BNIP2: variants seen among roughly 807,000 people sequenced by gnomAD.
BNIP2 encodes BCL2/adenovirus E1B 19 kDa protein-interacting protein 2.
A neutral mutation model predicts 43.4 loss-of-function variants in BNIP2; 36 were observed. That is an observed-to-expected ratio of 0.83 (90% CI 0.64 to 1.10). The LOEUF is 1.10. BNIP2 is among the 50% of genes least tolerant of loss of function. BNIP2 has a pLI of 0.00. For missense variants in BNIP2, 417 were observed against 374.1 expected, an observed-to-expected ratio of 1.11 and a Z score of -0.95; for synonymous variants, 146 against 121.0, an observed-to-expected ratio of 1.21 and a Z score of -1.35.
chr15:59,682,893 G>A lies in BNIP2; in HGVS notation c.-57-379C>T, dbSNP rs369100236. On this transcript the variant is annotated intron_variant, in intron 1 of 9. Transcript: ENST00000607373. ...CTCATAATTAAATTTTCTGTCCCTTGGATAGAGGTTGATTCTAGACCGTAA... is the reference window on the plus strand; with the variant it reads ...CTCATAATTAAATTTTCTGTCCCTTAGATAGAGGTTGATTCTAGACCGTAA... 2.6e-5 allele frequency among the ~76,000 whole-genome samples: 4 copies of A among 152,052 alleles called. No individual in the cohort carries two copies. The East Asian group carries it at 5.8e-4, about 22-fold the overall frequency.
intron 1 of BNIP2, among the ~76,000 whole-genome samples, chr15:59,684,054 AG>A (rs1332118443): frequency 6.6e-6 from 1 of 152,356 alleles, no homozygotes; most frequent in African/African-American, 2.4e-5. Context: ...CAAAGAAAAA[AG>A]CCTTATGTTC....
At position 59,679,625 on chromosome 15, in the gene BNIP2, G is replaced by C. The variant is rs1893523619; in HGVS notation, c.262C>G (p.Pro88Ala). 6.2e-7 allele frequency: 1 copy of C among 1,612,878 alleles called. No homozygotes were observed. The highest frequency in any genetic ancestry group is 1.7e-5 in the Admixed American group (1 of 59,884). The change falls in exon 4 of 10, where the codon CCG (proline) becomes GCG (alanine). Residue 88 changes from proline (P) to alanine (A), a missense_variant. Coordinates refer to ENST00000607373, the MANE Select transcript of BNIP2 (RefSeq NM_004330.4). ...GEIDLDGLDT[P>A]SENSNEFEWE... Reference sequence around the variant, plus strand: ...TCAAACTCATTACTATTCTCTGACGGTGTGTCTAAGCCATCTAAGTCAATC... The same window carrying C: ...TCAAACTCATTACTATTCTCTGACGCTGTGTCTAAGCCATCTAAGTCAATC...
chr15:59,677,789 C>G (rs2142007622), intron 5 of BNIP2, 122 bp downstream of exon 5: 1 of 1,277,040 alleles, frequency 7.8e-7, no homozygotes, highest in Non-Finnish European at 1.0e-6. Flanking sequence ...AGACGAGTCT[C>G]TCAACCTAGC....
At position 59,662,592 on chromosome 15, in the gene BNIP2, T is replaced by C. The variant is rs1222605561; in HGVS notation, c.*1477A>G. ...AAAGTTCCCTTTTGTAACAGAAGGTTTGTAAGTACATGAGAATGGTCACAG... is the reference window on the plus strand; with the variant it reads ...AAAGTTCCCTTTTGTAACAGAAGGTCTGTAAGTACATGAGAATGGTCACAG... On this transcript the variant is annotated 3_prime_UTR_variant, in exon 10 of 10. Transcript: ENST00000607373. 6.6e-6 allele frequency: 1 copy of C among 152,210 alleles called. No homozygotes were observed. Among genetic ancestry groups the C allele is most frequent in the Non-Finnish European group, 1.5e-5 (1 of 68,034 alleles). 9.4% of individuals were successfully genotyped at this position (152,210 alleles called of 1,614,324 possible).
chr15:59,662,900 A>G lies in BNIP2; in HGVS notation c.*1169T>C. 6.6e-6 allele frequency: 1 copy of G among 152,260 alleles called. No individual in the cohort carries two copies. The highest frequency in any genetic ancestry group is 2.1e-4 in the South Asian group (1 of 4,834). The allele number at this position is 152,260 out of a possible 1,614,324, so 9.4% of individuals were successfully genotyped here. On this transcript the variant is annotated 3_prime_UTR_variant, in exon 10 of 10. Transcript: ENST00000607373. ...ACACAATTTATTTCAATGTAAAGGT[A>G]CTACCAAATGAAACAGTTTAAATGC...
rs6151527 is a variant in BNIP2, at chr15:59,676,385, G to T, written c.472+1526C>A. On this transcript the variant is annotated intron_variant, in intron 5 of 9. Transcript: ENST00000607373. ...TTTTTTATTTTTTTGTGGAGACGAG[G>T]TCTATGTTGCCCAAGCTGGTCCTGA... is the stretch of plus-strand genomic sequence containing the variant. Among the ~76,000 whole-genome samples, 44 of 151,776 alleles carry T rather than the reference G, an allele frequency of 2.9e-4. No homozygotes were observed. The East Asian group carries it at 4.8e-3, about 17-fold the overall frequency.
At chr15:59,673,358 C>T (rs1479364306) in intron 5 of BNIP2, among the ~76,000 whole-genome samples, 1 of 151,788 alleles carries the variant, frequency 6.6e-6, no homozygotes, top group Non-Finnish European at 1.5e-5. Context: ...TCGTGATCTG[C>T]CTGCCTCAGC....
rs951706383 is a variant in BNIP2 at position 59,661,674 on chromosome 15, T to C, written c.*2395A>G. On this transcript the variant is annotated 3_prime_UTR_variant, in exon 10 of 10. Transcript: ENST00000607373. ...AAGCATCAAATTAAGCCAGTTAAAT[T>C]AGATCCATGATCCCAACAGAAAGAT... 2.6e-5 allele frequency: 4 copies of C among 152,202 alleles called. No individual in the cohort carries two copies. The highest frequency in any genetic ancestry group is 2.9e-5 in the Non-Finnish European group (2 of 68,032). 9.4% of individuals were successfully genotyped at this position (152,202 alleles called of 1,614,324 possible).
chr15:59,677,002 T>G, intron 5 of BNIP2: 1 of 1,613,262 alleles, frequency 6.2e-7, no homozygotes. Context: ...ATCTCCATTT[T>G]GTGAAGATTG....
Position 59,671,271 on chromosome 15 carries a change from T to C in BNIP2, c.619A>G (p.Met207Val), listed in dbSNP as rs1471703528. 12 of 1,596,138 alleles carry C rather than the reference T, an allele frequency of 7.5e-6. No individual in the cohort carries two copies. In the African/African-American group the frequency reaches 8.0e-5, roughly 11 times the overall value. ...GTTGCACCATTTAAATAAACTATCA[T>C]GTAGTTTTCTGCTACTAATAGCTCC... ...TLELLVAENYMIVYLNGATTR... is the reference protein window; with the variant it reads ...TLELLVAENYVIVYLNGATTR... The change falls in exon 7 of 10, where the codon ATG becomes GTG. Residue 207 changes from methionine (M) to valine (V), a missense_variant. By Grantham distance (21) the Met-to-Val change is conservative. Transcript: ENST00000607373.
chr15:59,674,905 G>A (rs1217096090), intron 5 of BNIP2, among the ~76,000 whole-genome samples: 1 of 152,158 alleles, frequency 6.6e-6, no homozygotes, highest in African/African-American at 2.4e-5. Context: ...TATCCCATAA[G>A]TATGGAAAGT....
At chr15:59,685,467 C>T (rs1474208669) in intron 1 of BNIP2, among the ~76,000 whole-genome samples, 1 of 152,180 alleles carries the variant, frequency 6.6e-6, no homozygotes, top group Admixed American at 6.5e-5. Flanking sequence ...CACCACTGCA[C>T]TACAGCCTGG....
rs1160251035 is a variant in BNIP2, at chr15:59,664,050, T to C, written c.*19A>G. 1 of 1,535,978 alleles carries C rather than the reference T, an allele frequency of 6.5e-7. No individual in the cohort carries two copies. Among genetic ancestry groups the C allele is most frequent in the Admixed American group, 2.0e-5 (1 of 49,290 alleles). On this transcript the variant is annotated 3_prime_UTR_variant, in exon 10 of 10. Transcript: ENST00000607373. ...TCCATCAGCACATTCTTCAGTCTTGTTTGGACTAGATGCCAAACTTACTGT... is the reference window on the plus strand; with the variant it reads ...TCCATCAGCACATTCTTCAGTCTTGCTTGGACTAGATGCCAAACTTACTGT...
rs543348111 is a variant in BNIP2, at chr15:59,670,417, T to G, written c.707+766A>C. Among the ~76,000 whole-genome samples, 154 of 152,154 alleles carry G rather than the reference T, an allele frequency of 1.0e-3. 5 individuals carry two copies. In the South Asian group the frequency reaches 0.029, roughly 28 times the overall value. On this transcript the variant is annotated intron_variant, in intron 7 of 9. Transcript: ENST00000607373. ...CTGCACTCCAGCCTAGATGACAGAG[T>G]GAGACCCTGTCTCAAAACAAAACAA...
At chr15:59,687,867 T>C (rs187382062) in intron 1 of BNIP2, among the ~76,000 whole-genome samples, 27 of 152,268 alleles carry the variant, frequency 1.8e-4, no homozygotes, top group African/African-American at 6.5e-4. Context: ...TCATTTTATC[T>C]TATATATGAG....
intron 5 of BNIP2, chr15:59,677,399 C>T: frequency 1.3e-6 from 2 of 1,511,132 alleles, no homozygotes; most frequent in South Asian, 1.3e-5. Context: ...TTCCGTACTC[C>T]AAACCATCAG....
intron 5 of BNIP2, among the ~76,000 whole-genome samples, chr15:59,676,584 T>G (rs1381884769): frequency 6.6e-6 from 1 of 152,250 alleles, no homozygotes. Context: ...ACTTTAAACC[T>G]GTCATGTTTC....
chr15:59,667,506 A>T (rs1235152745), intron 9 of BNIP2, among the ~76,000 whole-genome samples: 1 of 152,230 alleles, frequency 6.6e-6, no homozygotes, highest in Non-Finnish European at 1.5e-5. Context: ...CTCAAAGCAG[A>T]AGTGTTCAAA....
intron 2 of BNIP2, among the ~76,000 whole-genome samples, chr15:59,681,762 C>A (rs867122037): frequency 6.6e-6 from 1 of 151,856 alleles, no homozygotes; most frequent in African/African-American, 2.4e-5. Context: ...ATTAAAGAAA[C>A]ATTTTAAAGA....
Sources: allele counts gnomAD v4.1 joint callset (sites outside exome capture counted in the v4.1 genomes callset), GRCh38; gene constraint gnomAD v4.1.1; transcripts MANE v1.5; gene names NCBI Gene and HGNC (gene_info 2026-07-23, HGNC 2026-07-21).